Variants in LRRC49 observed in about 807,000 individuals in gnomAD.
LRRC49 encodes the protein leucine rich repeat containing 49.
Under a neutral mutation model 83.3 loss-of-function variants are expected in LRRC49, and 50 were observed. That is an observed-to-expected ratio of 0.60 (90% CI 0.48 to 0.76). LRRC49 has a LOEUF of 0.76. Ranked by LOEUF, LRRC49 falls within the 30% of genes least tolerant of loss-of-function variation. The pLI, the probability that LRRC49 is intolerant of heterozygous loss-of-function variation, is 0.00. For synonymous variants in LRRC49, 286 were observed against 283.3 expected (o/e 1.01, Z -0.10); for missense variants, 704 against 809.1 (o/e 0.87, Z 1.58).
At chr15:70,916,421 A>T (rs1377770115) in intron 6 of LRRC49, among the ~76,000 whole-genome samples, 1 of 152,010 alleles carries the variant, frequency 6.6e-6, no homozygotes. Flanking sequence ...TAGCCTCCTG[A>T]ATAGCTGGGA....
intron 6 of LRRC49, among the ~76,000 whole-genome samples, chr15:70,913,496 G>A (rs932659579): frequency 2.6e-5 from 4 of 152,100 alleles, no homozygotes; most frequent in Admixed American, 2.6e-4. Context: ...TGCTAGAAGG[G>A]GAAGAAGAAT....
At chr15:70,990,164 C>T (rs914310908) in intron 11 of LRRC49, among the ~76,000 whole-genome samples, 2 of 152,218 alleles carry the variant, frequency 1.3e-5, no homozygotes, top group African/African-American at 4.8e-5. Flanking sequence ...GTCTTCAAAG[C>T]TGTCAGATAG....
At chr15:71,045,085 G>A (rs931239205) in intron 15 of LRRC49, among the ~76,000 whole-genome samples, 34 of 151,522 alleles carry the variant, frequency 2.2e-4, no homozygotes, top group African/African-American at 8.2e-4. Context: ...TAGTAGAGAC[G>A]GGGCTTCACC....
chr15:71,043,123 G>A (rs1009065735), intron 15 of LRRC49, among the ~76,000 whole-genome samples: 2 of 152,122 alleles, frequency 1.3e-5, no homozygotes, highest in African/African-American at 4.8e-5. Flanking sequence ...GTTCTTCAAG[G>A]ACTAGATTAG....
chr15:71,033,097 C>G (rs2039408960), intron 14 of LRRC49, among the ~76,000 whole-genome samples: 1 of 152,062 alleles, frequency 6.6e-6, no homozygotes. Flanking sequence ...TGACATGGTC[C>G]TATATCTAGA....
At chr15:70,916,947 A>G (rs939743852) in intron 6 of LRRC49, among the ~76,000 whole-genome samples, 1 of 152,146 alleles carries the variant, frequency 6.6e-6, no homozygotes, top group Non-Finnish European at 1.5e-5. Context: ...CTCTCCCGAC[A>G]GGTTCTGAAG....
At chr15:70,913,984 CAT>C (rs1210573090) in intron 6 of LRRC49, among the ~76,000 whole-genome samples, 1 of 151,876 alleles carries the variant, frequency 6.6e-6, no homozygotes, top group East Asian at 1.9e-4. Context: ...ATAATTTCAG[CAT>C]ATGTTTGTGA....
intron 3 of LRRC49, among the ~76,000 whole-genome samples, chr15:70,899,845 T>G (rs2033996034): frequency 6.6e-6 from 1 of 152,184 alleles, no homozygotes; most frequent in Non-Finnish European, 1.5e-5. Context: ...TTATACTTAG[T>G]GCTCCCTTCA....
At chr15:70,880,244 C>T (rs919433199) in intron 2 of LRRC49, among the ~76,000 whole-genome samples, 3 of 152,166 alleles carry the variant, frequency 2.0e-5, no homozygotes, top group African/African-American at 7.2e-5. Flanking sequence ...CAAACCTCTC[C>T]CCCCACCTCA....
intron 1 of LRRC49, among the ~76,000 whole-genome samples, chr15:70,864,122 A>G (rs2032859987): frequency 6.6e-6 from 1 of 152,126 alleles, no homozygotes; most frequent in Non-Finnish European, 1.5e-5. Flanking sequence ...GTCTATGAAC[A>G]CACATGAGAC....
intron 3 of LRRC49, chr15:70,898,545 T>C (rs1849284388): frequency 1.7e-6 from 1 of 590,568 alleles, no homozygotes; most frequent in Admixed American, 2.9e-5. Flanking sequence ...GAGGCCAAGG[T>C]GGGTGGATTG....
chr15:71,036,745 C>T (rs1177067014), intron 14 of LRRC49, among the ~76,000 whole-genome samples: 1 of 152,152 alleles, frequency 6.6e-6, no homozygotes, highest in Admixed American at 6.5e-5. Flanking sequence ...ATTCCATTTT[C>T]TAGCTATCAG....
intron 2 of LRRC49, among the ~76,000 whole-genome samples, chr15:70,877,360 G>C (rs1354960637): frequency 6.6e-6 from 1 of 152,036 alleles, no homozygotes; most frequent in Non-Finnish European, 1.5e-5. Flanking sequence ...ATGTTCCTCT[G>C]CCCTAGTCCC....
chr15:71,020,550 G>A (rs2038962086), intron 14 of LRRC49, among the ~76,000 whole-genome samples: 1 of 151,976 alleles, frequency 6.6e-6, no homozygotes, highest in Non-Finnish European at 1.5e-5. Flanking sequence ...CTAAATATAA[G>A]GTGAAAAAAT....
intron 5 of LRRC49, chr15:70,908,108 G>A (rs978306287): frequency 4.0e-5 from 17 of 421,636 alleles, no homozygotes; most frequent in Non-Finnish European, 6.3e-5. Flanking sequence ...CTGATTGAAC[G>A]ACTTGGCTGT....
chr15:70,895,783 A>G (rs1595990929), intron 2 of LRRC49, 66 bp from the exon 3 acceptor site: 1 of 938,880 alleles, frequency 1.1e-6, no homozygotes, highest in Non-Finnish European at 1.7e-6. Context: ...TGTTTTTTTA[A>G]TTTATCTTCA....
chr15:70,964,086 C>A, intron 9 of LRRC49, 154 bp downstream of exon 9: 1 of 587,814 alleles, frequency 1.7e-6, no homozygotes, highest in Non-Finnish European at 2.6e-6. Context: ...GTAGTTTTTA[C>A]TGCCTGATCC....
rs556790715 is a variant in LRRC49, at chr15:70,859,504, G to A, written c.-299+6035G>A. The A allele has an allele frequency of 6.6e-5, 45 of 686,444 alleles. 1 individual carries two copies. The highest frequency in any genetic ancestry group is 6.0e-4 in the Admixed American group (34 of 56,454). The allele number at this position is 686,444 out of a possible 1,614,324, so 42.5% of individuals were successfully genotyped here. On this transcript the variant is annotated intron_variant, in intron 1 of 16. Coordinates refer to the LRRC49 transcript ENST00000544974. ...CGGTCAGCATCATTGCTGAGGTCAA[G>A]GTGCAGTAGGAGGAGATTGCCAACC...
intron 11 of LRRC49, chr15:70,984,526 T>G (rs560766680): frequency 1.3e-5 from 3 of 231,502 alleles, no homozygotes; most frequent in African/African-American, 2.3e-5. Flanking sequence ...CCACTTCATC[T>G]CTTTTATCTC....
Sources: allele counts gnomAD v4.1 joint callset (sites outside exome capture counted in the v4.1 genomes callset), GRCh38; gene constraint gnomAD v4.1.1; transcripts MANE v1.5; gene names NCBI Gene and HGNC (gene_info 2026-07-23, HGNC 2026-07-21).